The following CRTAC1 variants were observed in gnomAD, a reference collection of about 807,000 sequenced individuals.
The protein encoded by CRTAC1 is acidic secreted protein in cartilage.
A neutral mutation model predicts 67.8 loss-of-function variants in CRTAC1; 37 were observed. That is an observed-to-expected ratio of 0.55 (90% CI 0.42 to 0.72). The LOEUF is 0.72. Ranked by LOEUF, CRTAC1 falls within the 30% of genes least tolerant of loss-of-function variation. The probability of loss-of-function intolerance (pLI) is 0.00; values close to 1 mark genes in which losing one functional copy is unlikely to be tolerated. For synonymous variants in CRTAC1, 348 were observed against 371.0 expected (o/e 0.94, Z 0.71); for missense variants, 780 against 931.6 (o/e 0.84, Z 2.12).
intron 3 of CRTAC1, among the ~76,000 whole-genome samples, chr10:97,930,962 C>G (rs1235872716): frequency 1.3e-5 from 2 of 151,234 alleles, no homozygotes; most frequent in African/African-American, 2.4e-5. Context: ...GTATTTTAAA[C>G]TTGTCCTATA....
At chr10:97,943,997 G>C (rs949686222) in intron 2 of CRTAC1, among the ~76,000 whole-genome samples, 3 of 152,098 alleles carry the variant, frequency 2.0e-5, no homozygotes, top group Non-Finnish European at 4.4e-5. Context: ...AATTAATTTG[G>C]GCTTAGTACT....
intron 2 of CRTAC1, among the ~76,000 whole-genome samples, chr10:97,984,293 A>G (rs566834893): frequency 6.6e-6 from 1 of 152,296 alleles, no homozygotes; most frequent in South Asian, 2.1e-4. Flanking sequence ...ATATATTGGA[A>G]TCCATCCATC....
intron 2 of CRTAC1, among the ~76,000 whole-genome samples, chr10:97,940,210 C>G (rs946462713): frequency 5.3e-5 from 8 of 152,224 alleles, no homozygotes; most frequent in African/African-American, 1.9e-4. Flanking sequence ...CTTATTAACA[C>G]CCCATTTCAC....
At chr10:97,989,296 T>C (rs946949094) in intron 2 of CRTAC1, among the ~76,000 whole-genome samples, 2 of 151,916 alleles carry the variant, frequency 1.3e-5, no homozygotes, top group Non-Finnish European at 2.9e-5. Context: ...ACACACAGAG[T>C]CATATGTAAA....
chr10:97,904,925 T>C, intron 6 of CRTAC1, 111 bp from the exon 7 acceptor site: 1 of 1,272,680 alleles, frequency 7.9e-7, no homozygotes, highest in Non-Finnish European at 1.0e-6. Context: ...TCTCATCTTG[T>C]TCCCGGGAGG....
chr10:97,908,190 C>T (rs1174709998), intron 5 of CRTAC1, 43 bp from the exon 6 acceptor site: 1 of 1,609,558 alleles, frequency 6.2e-7, no homozygotes, highest in Non-Finnish European at 8.5e-7. Context: ...GAAGCAAGCC[C>T]CAGGCCCACC....
chr10:97,974,567 A>G (rs2051767835), intron 2 of CRTAC1, among the ~76,000 whole-genome samples: 1 of 152,230 alleles, frequency 6.6e-6, no homozygotes, highest in Admixed American at 6.5e-5. Context: ...CTAGAGAAGG[A>G]GAAGTCGCTT....
chr10:97,999,758 T>G (rs113186188), intron 2 of CRTAC1, among the ~76,000 whole-genome samples: 2 of 152,158 alleles, frequency 1.3e-5, no homozygotes, highest in Non-Finnish European at 2.9e-5. Context: ...CATGGACCAA[T>G]TGGCGTGCAC....
At chr10:98,024,833 G>C (rs1192295930) in intron 1 of CRTAC1, among the ~76,000 whole-genome samples, 1 of 137,666 alleles carries the variant, frequency 7.3e-6, no homozygotes, top group East Asian at 2.1e-4. Flanking sequence ...TCATAGAGAG[G>C]CATGGGGGTG....
intron 2 of CRTAC1, among the ~76,000 whole-genome samples, chr10:97,973,426 A>G (rs2051747092): frequency 7.1e-6 from 1 of 141,314 alleles, no homozygotes; most frequent in Non-Finnish European, 1.5e-5. Flanking sequence ...TTTCCTACTT[A>G]TGTTTCAACA....
At chr10:97,982,724 T>C (rs1311931701) in intron 2 of CRTAC1, among the ~76,000 whole-genome samples, 6 of 152,112 alleles carry the variant, frequency 3.9e-5, no homozygotes, top group Non-Finnish European at 7.4e-5. Flanking sequence ...AGCGCCGCAA[T>C]TGTGTAAATT....
chr10:97,879,071 A>T (rs2050179136), intron 14 of CRTAC1, among the ~76,000 whole-genome samples: 2 of 151,546 alleles, frequency 1.3e-5, no homozygotes, highest in Admixed American at 1.3e-4. Flanking sequence ...CTTGCCCCAG[A>T]CCCTTTTTAT....
chr10:97,967,546 T>C (rs912139106), intron 2 of CRTAC1, among the ~76,000 whole-genome samples: 2 of 152,216 alleles, frequency 1.3e-5, no homozygotes, highest in Admixed American at 6.5e-5. Context: ...CAAGGAAATA[T>C]ATGTGTGTAT....
At chr10:98,007,343 G>A (rs895532611) in intron 2 of CRTAC1, among the ~76,000 whole-genome samples, 1 of 152,140 alleles carries the variant, frequency 6.6e-6, no homozygotes, top group African/African-American at 2.4e-5. Context: ...GTCCACTTTT[G>A]GTTATCCAGC....
intron 2 of CRTAC1, among the ~76,000 whole-genome samples, chr10:97,985,950 A>T (rs185261384): frequency 6.6e-6 from 1 of 152,236 alleles, no homozygotes; most frequent in Admixed American, 6.5e-5. Flanking sequence ...CAACCTCCCT[A>T]TTGAGGATCT....
chr10:97,979,374 G>A (rs561775810), intron 2 of CRTAC1, among the ~76,000 whole-genome samples: 19 of 152,322 alleles, frequency 1.2e-4, no homozygotes, highest in Non-Finnish European at 2.2e-4. Flanking sequence ...CCACCGTGGG[G>A]AAGGAACAAG....
intron 3 of CRTAC1, among the ~76,000 whole-genome samples, chr10:97,923,949 G>A (rs2050877381): frequency 6.6e-6 from 1 of 152,144 alleles, no homozygotes; most frequent in African/African-American, 2.4e-5. Context: ...GTTCTGCCTG[G>A]GGTGTGATGA....
At chr10:97,912,028 A>G (rs1301655477) in intron 5 of CRTAC1, among the ~76,000 whole-genome samples, 2 of 152,160 alleles carry the variant, frequency 1.3e-5, no homozygotes, top group African/African-American at 4.8e-5. Context: ...GGGGTCAGAA[A>G]GTCCAAGTTT....
chr10:97,978,806 T>C (rs1178107336), intron 2 of CRTAC1, among the ~76,000 whole-genome samples: 1 of 152,212 alleles, frequency 6.6e-6, no homozygotes, highest in African/African-American at 2.4e-5. Flanking sequence ...CCCTCTGAAA[T>C]GATCTTGCTT....
Sources: gnomAD v4.1 joint callset for allele counts (sites outside exome capture counted in the v4.1 genomes callset) on GRCh38, gnomAD v4.1.1 for gene constraint, MANE v1.5 for transcripts, NCBI Gene and HGNC (gene_info 2026-07-23, HGNC 2026-07-21) for gene names.